CAPS2: variants seen among roughly 807,000 people sequenced by gnomAD.
CAPS2 encodes calcyphosin-2.
Under a neutral mutation model 86.5 loss-of-function variants are expected in CAPS2, and 98 were observed. The observed-to-expected ratio is 1.13, with a 90% CI of 0.96 to 1.34. The LOEUF (loss-of-function observed/expected upper bound fraction) is 1.34, where lower values mean the gene tolerates loss of function less well. Ranked by LOEUF, CAPS2 falls within the 40% of genes most tolerant of loss-of-function variation. CAPS2 has a pLI of 0.00. For synonymous variants in CAPS2, 210 were observed against 225.1 expected, an observed-to-expected ratio of 0.93 and a Z score of 0.60; for missense variants, 729 against 686.8, an observed-to-expected ratio of 1.06 and a Z score of -0.69.
intron 1 of CAPS2, among the ~76,000 whole-genome samples, chr12:75,366,595 C>A (rs1301885839): frequency 6.6e-6 from 1 of 152,000 alleles, no homozygotes; most frequent in Non-Finnish European, 1.5e-5. Flanking sequence ...TAACACGGCA[C>A]CTCAAAGTGG....
intron 1 of CAPS2, among the ~76,000 whole-genome samples, chr12:75,373,087 C>T (rs899219389): frequency 3.3e-5 from 5 of 152,176 alleles, no homozygotes; most frequent in Non-Finnish European, 7.3e-5. Flanking sequence ...GGTGCCATAT[C>T]GAGGGTTCAG....
intron 1 of CAPS2, among the ~76,000 whole-genome samples, chr12:75,367,862 C>T (rs1317621226): frequency 1.3e-5 from 2 of 152,072 alleles, no homozygotes; most frequent in African/African-American, 2.4e-5. Flanking sequence ...ACAATAGACA[C>T]ACCCTTCTAT....
intron 5 of CAPS2, among the ~76,000 whole-genome samples, chr12:75,319,496 A>G (rs1177558331): frequency 6.6e-6 from 1 of 152,168 alleles, no homozygotes; most frequent in East Asian, 1.9e-4. Context: ...TGAAGCCCTT[A>G]GCAAGTGCCT....
chr12:75,351,688 A>AGCTG lies in CAPS2; in HGVS notation c.-394-28467_-394-28466insCAGC, dbSNP rs2042826335. ...CAGCCTCCTGAGTAGCTGGGATTAG[A>AGCTG]GGCGCTCCCCACCACACCCAGCTAA... On this transcript the variant is annotated intron_variant, in intron 1 of 5. Transcript: ENST00000551829. 1.3e-5 allele frequency among the ~76,000 whole-genome samples: 2 copies of AGCTG among 151,902 alleles called. 1 individual carries two copies. The highest frequency in any genetic ancestry group is 2.9e-5 in the Non-Finnish European group (2 of 67,974).
chr12:75,349,512 A>G (rs1349300011), intron 1 of CAPS2, among the ~76,000 whole-genome samples: 1 of 152,228 alleles, frequency 6.6e-6, no homozygotes, highest in Non-Finnish European at 1.5e-5. Context: ...AGCTGAATCA[A>G]TAAGTTGAAA....
At chr12:75,292,252 G>C (rs916817075) in intron 12 of CAPS2, among the ~76,000 whole-genome samples, 1 of 151,944 alleles carries the variant, frequency 6.6e-6, no homozygotes, top group Non-Finnish European at 1.5e-5. Flanking sequence ...TTTTTTAGTA[G>C]AGACGGGATT....
At chr12:75,374,238 T>C (rs999694582) in intron 1 of CAPS2, among the ~76,000 whole-genome samples, 8 of 152,192 alleles carry the variant, frequency 5.3e-5, no homozygotes, top group Non-Finnish European at 8.8e-5. Context: ...CCTGGACCTG[T>C]TGCAGAGCCT....
At chr12:75,286,844 G>T (rs1211456400) in intron 14 of CAPS2, among the ~76,000 whole-genome samples, 3 of 151,404 alleles carry the variant, frequency 2.0e-5, no homozygotes, top group South Asian at 4.2e-4. Flanking sequence ...AGAAAAGGAG[G>T]AAGCATGCTC....
chr12:75,310,406 G>C (rs1277660891), intron 7 of CAPS2, among the ~76,000 whole-genome samples: 1 of 152,074 alleles, frequency 6.6e-6, no homozygotes, highest in Admixed American at 6.5e-5. Flanking sequence ...ATAAATTTCT[G>C]GGGAAAAGGC....
In CAPS2 at chr12:75,277,657, A is replaced by G. The variant is rs2033166103; in HGVS notation, c.*1233T>C. 3 of 984,108 alleles carry G rather than the reference A, an allele frequency of 3.0e-6. No homozygotes were observed. The African/African-American group carries it at 5.2e-5, about 17-fold the overall frequency. 61.0% of individuals were successfully genotyped at this position (984,108 alleles called of 1,614,324 possible). ...GTGCAACTTTGAATTTGTTGGGTTC[A>G]CATGTATCACACTTCTCATGTTGCT... On this transcript the variant is annotated 3_prime_UTR_variant, in exon 17 of 17. Transcript: ENST00000393284.
At chr12:75,332,643 TACA>T (rs1255564764), upstream of CAPS2, among the ~76,000 whole-genome samples, 1 of 152,168 alleles carries the variant, frequency 6.6e-6, no homozygotes, top group East Asian at 1.9e-4. Flanking sequence ...TACAGTTGTA[TACA>T]ACATTATTAG....
upstream of CAPS2, among the ~76,000 whole-genome samples, chr12:75,329,586 TG>T (rs2041110105): frequency 6.7e-6 from 1 of 150,144 alleles, no homozygotes; most frequent in South Asian, 2.1e-4. Flanking sequence ...CAGAAAAAAA[TG>T]AAAAGCAAAA....
chr12:75,377,862 CGTGTGT>C (rs63284960), intron 1 of CAPS2, among the ~76,000 whole-genome samples: 4 of 149,278 alleles, frequency 2.7e-5, no homozygotes, highest in Non-Finnish European at 5.9e-5. Flanking sequence ...TATATATATG[CGTGTGT>C]GTGTGTGTCT....
chr12:75,367,110 G>A, intron 1 of CAPS2: 1 of 686,306 alleles, frequency 1.5e-6, no homozygotes. Flanking sequence ...AAAACGTAAT[G>A]GAGAAGACAC....
chr12:75,334,318 A>G (rs768994992), upstream of CAPS2: 15 of 199,096 alleles, frequency 7.5e-5, no homozygotes, highest in Non-Finnish European at 1.2e-4. Context: ...AGCTGCGTCT[A>G]AGAAACGAAT....
chr12:75,279,047 T>A lies in CAPS2; in HGVS notation c.1631A>T (p.Glu544Val), dbSNP rs752020790. Residue 544 changes from glutamate (E) to valine (V), a missense_variant, in exon 17 of 17, where the codon GAA becomes GTA. Physicochemically the swap from Glu to Val is moderately radical, Grantham distance 121 (BLOSUM62 -2). Coordinates refer to ENST00000393284, the Ensembl canonical transcript of CAPS2. ...TGTTTCTAGAAAGGATGATTTGATTTCTTCCTCTGTTGAATGGCCTATAAA... is the reference window on the plus strand; with the variant it reads ...TGTTTCTAGAAAGGATGATTTGATTACTTCCTCTGTTGAATGGCCTATAAA... 1.3e-5 allele frequency: 20 copies of A among 1,597,564 alleles called. No homozygotes were observed. In the East Asian group the frequency reaches 1.6e-4, roughly 13 times the overall value.
At chr12:75,299,366 A>AT (rs1332584335) in intron 9 of CAPS2, among the ~76,000 whole-genome samples, 1 of 152,154 alleles carries the variant, frequency 6.6e-6, no homozygotes, top group Non-Finnish European at 1.5e-5. Flanking sequence ...TAAAATACAC[A>AT]TTTTATCAGT....
rs1392790783 is a variant in CAPS2 at position 75,346,058 on chromosome 12, G to A, written c.-394-22836C>T. On this transcript the variant is annotated intron_variant, in intron 1 of 5. Coordinates refer to the CAPS2 transcript ENST00000551829. ...TATTCATATTAGAGTTACATCCAAT[G>A]TTCATATTAATATTACATCTAGTTT... Among the ~76,000 whole-genome samples the A allele has an allele frequency of 3.3e-5, 5 of 152,208 alleles. No homozygotes were observed. The South Asian group carries it at 8.3e-4, about 25-fold the overall frequency.
chr12:75,295,130 T>C (rs2036668519), intron 11 of CAPS2: 1 of 152,084 alleles, frequency 6.6e-6, no homozygotes, highest in Admixed American at 6.5e-5. Context: ...AGACCATGTC[T>C]CAATTGAAAA....
Sources: gnomAD v4.1 joint callset for allele counts (sites outside exome capture counted in the v4.1 genomes callset) on GRCh38, gnomAD v4.1.1 for gene constraint, MANE v1.5 for transcripts, NCBI Gene and HGNC (gene_info 2026-07-23, HGNC 2026-07-21) for gene names.